The following PIK3R5 variants were observed in gnomAD, a reference collection of about 807,000 sequenced individuals.
The protein encoded by PIK3R5 is phosphoinositide 3-kinase regulatory subunit 5.
Under a neutral mutation model 94.9 loss-of-function variants are expected in PIK3R5, and 32 were observed. The ratio of observed to expected loss-of-function variants is 0.34; its 90% CI spans 0.25 to 0.45. PIK3R5 has a LOEUF of 0.45. PIK3R5 is among the 20% of genes least tolerant of loss of function. The probability of loss-of-function intolerance (pLI) is 1.00; values close to 1 mark genes in which losing one functional copy is unlikely to be tolerated. For synonymous variants in PIK3R5, 443 were observed against 479.4 expected, an observed-to-expected ratio of 0.92 and a Z score of 0.99; for missense variants, 853 against 1,144.6, an observed-to-expected ratio of 0.75 and a Z score of 3.68.
At chr17:8,923,590 A>G (rs2090797563) in intron 1 of PIK3R5, among the ~76,000 whole-genome samples, 1 of 152,234 alleles carries the variant, frequency 6.6e-6, no homozygotes, top group Non-Finnish European at 1.5e-5. Context: ...CTGGGAAACC[A>G]GAGGAAGACT....
Position 8,945,498 on chromosome 17 carries a change from G to T in PIK3R5, c.-14+20098C>A, listed in dbSNP as rs1251404517. On this transcript the variant is annotated intron_variant, in intron 1 of 18. Transcript: ENST00000447110. This position sits in a 1 kb window ranked among gnomAD's most constrained non-coding sequence, Gnocchi z 4.0. ...AGAGCCTGGGACAGGACTGCTAGCA[G>T]CAGTGGGAAGAGGAAGGCTGGGCAT... Among the ~76,000 whole-genome samples the T allele has an allele frequency of 3.3e-5, 5 of 152,234 alleles. No individual in the cohort carries two copies. The South Asian group carries it at 1.0e-3, about 32-fold the overall frequency.
chr17:8,903,141 G>A (rs2090325460), intron 5 of PIK3R5, among the ~76,000 whole-genome samples: 1 of 151,926 alleles, frequency 6.6e-6, no homozygotes, highest in South Asian at 2.1e-4. Flanking sequence ...CACCACACCT[G>A]GCCTTTTTAG....
intron 3 of PIK3R5, among the ~76,000 whole-genome samples, chr17:8,906,931 T>G (rs2090408584): frequency 6.6e-6 from 1 of 152,254 alleles, no homozygotes; most frequent in Admixed American, 6.5e-5. Context: ...TATGATGTAA[T>G]TGTATCATAT....
chr17:8,892,900 G>A lies in PIK3R5; in HGVS notation c.482+686C>T, dbSNP rs961220030. Among the ~76,000 whole-genome samples the A allele has an allele frequency of 6.6e-6, 1 of 152,140 alleles. No individual in the cohort carries two copies. The highest frequency in any genetic ancestry group is 2.4e-5 in the African/African-American group (1 of 41,434). On this transcript the variant is annotated intron_variant, in intron 6 of 18. Transcript: ENST00000447110. The surrounding 1 kb of genome is among the most constrained non-coding windows in gnomAD (Gnocchi z 4.3). ...AAGGCCTGCAGAGGGTCCTCCTAAT[G>A]GGCACCCCCTCTCTAGTGCTTTTCA...
At chr17:8,948,570 C>T (rs1174412219) in intron 1 of PIK3R5, among the ~76,000 whole-genome samples, 3 of 152,066 alleles carry the variant, frequency 2.0e-5, no homozygotes, top group African/African-American at 4.8e-5. Flanking sequence ...AGAGGTGCTC[C>T]GCTTCATTAG....
intron 3 of PIK3R5, 141 bp downstream of exon 3, chr17:8,908,933 C>T (rs2090460425): frequency 1.7e-6 from 1 of 596,714 alleles, no homozygotes; most frequent in Non-Finnish European, 3.0e-6. Context: ...GCTACCGAAA[C>T]ACAAAACTCA....
At chr17:8,936,293 G>A (rs73253081) in intron 1 of PIK3R5, among the ~76,000 whole-genome samples, 2,283 of 152,190 alleles carry the variant, frequency 0.015, 59 homozygotes, top group African/African-American at 0.053. Context: ...CACAGTGTGC[G>A]TTAGGGTGCA....
chr17:8,940,454 C>T (rs75824817), intron 1 of PIK3R5, among the ~76,000 whole-genome samples: 1,786 of 152,318 alleles, frequency 0.012, 41 homozygotes, highest in African/African-American at 0.041. Context: ...CACGAAGGGA[C>T]GCCAGCAAAC....
At position 8,890,146 on chromosome 17, in the gene PIK3R5, T is replaced by C. The variant is rs189506627; in HGVS notation, c.658-20A>G. The C allele has an allele frequency of 2.5e-6, 4 of 1,612,712 alleles. No individual in the cohort carries two copies. In the African/African-American group the frequency reaches 5.3e-5, roughly 22 times the overall value. On this transcript the variant is annotated intron_variant, in intron 7 of 18. Transcript: ENST00000447110. This position sits in a 1 kb window ranked among gnomAD's most constrained non-coding sequence, Gnocchi z 6.1. ...CTTGGCCTGAAACCCCAGGAGGAGA[T>C]GGGCTTTGCTCCTGGACCGTGAGCT...
At chr17:8,899,900 T>A (rs897065423) in intron 5 of PIK3R5, among the ~76,000 whole-genome samples, 3 of 152,014 alleles carry the variant, frequency 2.0e-5, no homozygotes, top group Admixed American at 2.0e-4. Flanking sequence ...TAGCCAGGCA[T>A]GGTGGTGCAC....
intron 1 of PIK3R5, among the ~76,000 whole-genome samples, chr17:8,957,495 G>A (rs2091483855): frequency 6.6e-6 from 1 of 152,110 alleles, no homozygotes; most frequent in African/African-American, 2.4e-5. Flanking sequence ...GAAAAACCTC[G>A]CTACTTCTTA....
chr17:8,885,871 C>T lies in PIK3R5; in HGVS notation c.2128+358G>A, dbSNP rs182810813. On this transcript the variant is annotated intron_variant, in intron 14 of 18. Coordinates refer to ENST00000447110, the MANE Select transcript of PIK3R5 (RefSeq NM_001142633.3). ...CGCCTCCTGGGTAACTCCGCCTCCC[C>T]ATGGCCCTGCCTCCCGGTAACCCTG... Among the ~76,000 whole-genome samples, 27 of 118,290 alleles carry T rather than the reference C, an allele frequency of 2.3e-4. 1 individual carries two copies. In the South Asian group the frequency reaches 3.2e-3, roughly 14 times the overall value. 77.6% of individuals were successfully genotyped at this position (118,290 alleles called of 152,430 possible).
chr17:8,961,456 G>A (rs11656582), intron 1 of PIK3R5, among the ~76,000 whole-genome samples: 8,072 of 152,188 alleles, frequency 0.053, 295 homozygotes, highest in Non-Finnish European at 0.076. Flanking sequence ...CCAACTTGGC[G>A]AAACCCCATC....
At chr17:8,910,502 C>T (rs2090501205) in intron 2 of PIK3R5, among the ~76,000 whole-genome samples, 1 of 152,178 alleles carries the variant, frequency 6.6e-6, no homozygotes, top group Admixed American at 6.5e-5. Flanking sequence ...ACTGTCCCTT[C>T]AGAAAAGTGG....
Position 8,909,296 on chromosome 17 carries a change from CTT to C in PIK3R5, c.104-124_104-123del, listed in dbSNP as rs796666707. ...TTCTGTGGTATTGCACTGGAACACT[CTT>C]TTTTTTTTTTGAGACAGAGTCTTGC... On this transcript the variant is annotated intron_variant, in intron 2 of 18. Transcript: ENST00000447110. The surrounding 1 kb of genome is among the most constrained non-coding windows in gnomAD (Gnocchi z 4.3). The C allele has an allele frequency of 1.6e-3, 777 of 491,652 alleles. No individual in the cohort carries two copies. Among genetic ancestry groups the C allele is most frequent in the East Asian group, 1.9e-3 (52 of 27,328 alleles). 30.5% of individuals were successfully genotyped at this position (491,652 alleles called of 1,614,324 possible). A position where few individuals can be genotyped will look rare whatever the true frequency, so the allele number is the denominator to read the frequency against.
In PIK3R5 at chr17:8,905,653, GC is replaced by G. The variant is rs1406261250; in HGVS notation, c.273+15del. 1 of 1,580,568 alleles carries G rather than the reference GC, an allele frequency of 6.3e-7. No individual in the cohort carries two copies. The highest frequency in any genetic ancestry group is 8.6e-7 in the Non-Finnish European group (1 of 1,162,658). On this transcript the variant is annotated intron_variant, in intron 4 of 18. Coordinates refer to ENST00000447110, the MANE Select transcript of PIK3R5 (RefSeq NM_001142633.3). ...CTCCTCCCTCACCTCCAGCATCCTG[GC>G]CCACGTGGACTTACACAAAGAACAG...
intron 13 of PIK3R5, 24 bp downstream of exon 13, chr17:8,886,453 C>T (rs753040473): frequency 1.3e-6 from 2 of 1,594,808 alleles, no homozygotes; most frequent in Admixed American, 1.7e-5. Context: ...GGGGAAGAGG[C>T]GGTTCGGGGC....
intron 5 of PIK3R5, among the ~76,000 whole-genome samples, chr17:8,895,520 C>T (rs1197132503): frequency 7.2e-5 from 11 of 152,168 alleles, no homozygotes; most frequent in African/African-American, 2.2e-4. Context: ...ACATTTTCCC[C>T]GTCCCCATAC....
At position 8,951,989 on chromosome 17, in the gene PIK3R5, C is replaced by A. The variant is rs535865074; in HGVS notation, c.-14+13607G>T. Among the ~76,000 whole-genome samples the A allele has an allele frequency of 2.6e-5, 4 of 152,368 alleles. No homozygotes were observed. In the South Asian group the frequency reaches 8.3e-4, roughly 32 times the overall value. ...AAGTCATGCTTTTAGAAGGAAGAGG[C>A]ATGCACTTCCCTTCCCCCTTTCCCC... On this transcript the variant is annotated intron_variant, in intron 1 of 18. Coordinates refer to ENST00000447110, the MANE Select transcript of PIK3R5 (RefSeq NM_001142633.3).
Sources: allele counts gnomAD v4.1 joint callset (sites outside exome capture counted in the v4.1 genomes callset), GRCh38; gene constraint gnomAD v4.1.1; non-coding constraint Gnocchi (gnomAD v3.1); transcripts MANE v1.5; gene names NCBI Gene and HGNC (gene_info 2026-07-23, HGNC 2026-07-21).